PCGF5: variants seen among roughly 807,000 people sequenced by gnomAD.
PCGF5 encodes polycomb group RING finger protein 5.
PCGF5 carries 9 observed loss-of-function variants against 44.3 expected under a neutral mutation model. The observed-to-expected ratio is 0.20, with a 90% CI of 0.12 to 0.35. The LOEUF (loss-of-function observed/expected upper bound fraction) is 0.35, where lower values mean the gene tolerates loss of function less well. PCGF5 is among the 10% of genes least tolerant of loss of function. PCGF5 has a pLI of 1.00. For synonymous variants in PCGF5, 95 were observed against 102.5 expected, an observed-to-expected ratio of 0.93 and a Z score of 0.44; for missense variants, 146 against 305.3, an observed-to-expected ratio of 0.48 and a Z score of 3.89.
At chr10:91,239,386 A>G (rs555538727) in intron 2 of PCGF5, among the ~76,000 whole-genome samples, 28 of 152,284 alleles carry the variant, frequency 1.8e-4, no homozygotes, top group South Asian at 1.0e-3. Context: ...TTCCATGACC[A>G]TTGTTGCTTT....
the PCGF5 span, among the ~76,000 whole-genome samples, chr10:91,157,450 G>T: frequency 6.6e-6 from 1 of 152,120 alleles, no homozygotes. Flanking sequence ...TAAAATTTTT[G>T]ACTGAAGTTG....
At chr10:91,179,459 A>G (rs1843778941) in intron 1 of PCGF5, among the ~76,000 whole-genome samples, 1 of 152,204 alleles carries the variant, frequency 6.6e-6, no homozygotes, top group South Asian at 2.1e-4. Context: ...AATTAAGCCT[A>G]GTACCCATTA....
intron 1 of PCGF5, among the ~76,000 whole-genome samples, chr10:91,210,020 C>A (rs1844419352): frequency 6.6e-6 from 1 of 152,234 alleles, no homozygotes; most frequent in African/African-American, 2.4e-5. Flanking sequence ...TTTGCCACTT[C>A]TGGCATTTAG....
At chr10:91,218,268 C>T (rs1026268573), upstream of PCGF5, among the ~76,000 whole-genome samples, 1 of 152,184 alleles carries the variant, frequency 6.6e-6, no homozygotes, top group African/African-American at 2.4e-5. Flanking sequence ...AATGAGAAAG[C>T]TGAAGTACAT....
At chr10:91,160,280 G>C (rs1449171078), upstream of PCGF5, among the ~76,000 whole-genome samples, 2 of 152,164 alleles carry the variant, frequency 1.3e-5, no homozygotes, top group African/African-American at 4.8e-5. Flanking sequence ...GGATTTGGGC[G>C]AAGTATCTGT....
At chr10:91,265,420 A>C (rs1846028053) in intron 8 of PCGF5, among the ~76,000 whole-genome samples, 2 of 152,198 alleles carry the variant, frequency 1.3e-5, no homozygotes, top group Non-Finnish European at 2.9e-5. Context: ...GATAACATCT[A>C]AGATTATCTT....
intron 1 of PCGF5, among the ~76,000 whole-genome samples, chr10:91,170,420 A>T (rs1843582990): frequency 6.6e-6 from 1 of 152,246 alleles, no homozygotes; most frequent in Non-Finnish European, 1.5e-5. Context: ...TTAAAACTGA[A>T]TATGCAACCC....
In PCGF5 at chr10:91,179,342, T is replaced by A. The variant is rs571011162; in HGVS notation, c.-184+16261T>A. On this transcript the variant is annotated intron_variant, in intron 1 of 9. Transcript: ENST00000614189. ...TATTTGTTTCTTTTTTAAAAAAAAA[T>A]TAATCTTTTAAAAATTTATTTTAAC... is the stretch of plus-strand genomic sequence containing the variant. Among the ~76,000 whole-genome samples, 11 of 152,282 alleles carry A rather than the reference T, an allele frequency of 7.2e-5. No individual in the cohort carries two copies. In the East Asian group the frequency reaches 1.5e-3, roughly 21 times the overall value.
At chr10:91,247,095 T>A (rs2133367584) in intron 3 of PCGF5, among the ~76,000 whole-genome samples, 2 of 148,814 alleles carry the variant, frequency 1.3e-5, no homozygotes, top group African/African-American at 2.5e-5. Context: ...GGTCAAAGAG[T>A]TCAGAGTACA....
At chr10:91,175,640 A>G (rs1184977147) in intron 1 of PCGF5, among the ~76,000 whole-genome samples, 1 of 152,248 alleles carries the variant, frequency 6.6e-6, no homozygotes, top group Non-Finnish European at 1.5e-5. Context: ...TAAAAAAGGC[A>G]AAACCCAAAA....
chr10:91,176,431 G>C (rs1440960466), intron 1 of PCGF5, among the ~76,000 whole-genome samples: 1 of 152,142 alleles, frequency 6.6e-6, no homozygotes. Flanking sequence ...GGCATTCTCT[G>C]TATTTCCTGA....
chr10:91,195,743 AT>A (rs1008648984), intron 1 of PCGF5, among the ~76,000 whole-genome samples: 12 of 151,328 alleles, frequency 7.9e-5, no homozygotes, highest in South Asian at 2.1e-4. Flanking sequence ...CCTAAATCAT[AT>A]TTTTTTTAAT....
intron 6 of PCGF5, among the ~76,000 whole-genome samples, chr10:91,252,558 G>A (rs971013805): frequency 6.6e-6 from 1 of 151,956 alleles, no homozygotes; most frequent in African/African-American, 2.4e-5. Flanking sequence ...TTTTGTTAAG[G>A]GGAATTTATT....
chr10:91,261,100 C>A (rs1322643962), intron 6 of PCGF5, among the ~76,000 whole-genome samples: 1 of 151,754 alleles, frequency 6.6e-6, no homozygotes, highest in East Asian at 1.9e-4. Flanking sequence ...CCAGGATTTT[C>A]CTAGTACACA....
rs1406450964 is a variant in PCGF5, at chr10:91,278,915, G to C, written c.*599G>C. 2.6e-5 allele frequency: 4 copies of C among 152,720 alleles called. No individual in the cohort carries two copies. Among genetic ancestry groups the C allele is most frequent in the Admixed American group, 2.6e-4 (4 of 15,274 alleles). The allele number at this position is 152,720 out of a possible 1,614,324, so 9.5% of individuals were successfully genotyped here. A position where few individuals can be genotyped will look rare whatever the true frequency, so the allele number is the denominator to read the frequency against. On this transcript the variant is annotated 3_prime_UTR_variant, in exon 10 of 10. Coordinates refer to ENST00000336126, the MANE Select transcript of PCGF5 (RefSeq NM_032373.5). ...AACATTAGAGCACAATATAATTGTA[G>C]ACATTCTAAGCATCTGTCCGTGTAG...
chr10:91,231,310 G>T (rs943324217), intron 2 of PCGF5, among the ~76,000 whole-genome samples: 1 of 152,180 alleles, frequency 6.6e-6, no homozygotes, highest in Non-Finnish European at 1.5e-5. Flanking sequence ...ATGATAGTGT[G>T]TATTATATTA....
chr10:91,247,367 A>G (rs1262365391), intron 3 of PCGF5, among the ~76,000 whole-genome samples: 1 of 152,176 alleles, frequency 6.6e-6, no homozygotes, highest in Non-Finnish European at 1.5e-5. Flanking sequence ...AATTCAGTAG[A>G]GTAAAAGAAG....
intron 9 of PCGF5, among the ~76,000 whole-genome samples, chr10:91,274,471 TA>T (rs1245810974): frequency 6.6e-6 from 1 of 152,206 alleles, no homozygotes; most frequent in Non-Finnish European, 1.5e-5. Context: ...ATTAATGCAG[TA>T]AAATGATTAA....
chr10:91,236,182 G>A (rs1845158199), intron 2 of PCGF5, among the ~76,000 whole-genome samples: 1 of 152,188 alleles, frequency 6.6e-6, no homozygotes, highest in Non-Finnish European at 1.5e-5. Flanking sequence ...ATAGTGGTTT[G>A]GATTTTAGGC....
Sources: gnomAD v4.1 joint callset for allele counts (sites outside exome capture counted in the v4.1 genomes callset) on GRCh38, gnomAD v4.1.1 for gene constraint, MANE v1.5 for transcripts, NCBI Gene and HGNC (gene_info 2026-07-23, HGNC 2026-07-21) for gene names.